SCAI: variants seen among roughly 807,000 people sequenced by gnomAD.
SCAI encodes suppressor of cancer cell invasion, also known as protein SCAI.
Under a neutral mutation model 92.2 loss-of-function variants are expected in SCAI, and 24 were observed. That is an observed-to-expected ratio of 0.26 (90% CI 0.19 to 0.37). The LOEUF is 0.37. Ranked by LOEUF, SCAI falls within the 10% of genes least tolerant of loss-of-function variation. The pLI is 1.00. For missense variants in SCAI, 450 were observed against 736.2 expected (o/e 0.61, Z 4.50); for synonymous variants, 261 against 258.6 (o/e 1.01, Z -0.09).
intron 3 of SCAI, among the ~76,000 whole-genome samples, chr9:125,036,959 A>C (rs182304095): frequency 3.3e-5 from 5 of 152,294 alleles, no homozygotes; most frequent in Non-Finnish European, 5.9e-5. Context: ...TACCTCTTCA[A>C]AACATTTTTA....
intron 2 of SCAI, among the ~76,000 whole-genome samples, chr9:125,112,441 T>C (rs917997656): frequency 3.9e-5 from 6 of 152,184 alleles, no homozygotes; most frequent in African/African-American, 9.7e-5. Context: ...ATTATAACTA[T>C]AGGGGCAAGT....
intron 2 of SCAI, among the ~76,000 whole-genome samples, chr9:125,107,346 T>G (rs1306841666): frequency 1.3e-5 from 2 of 148,968 alleles, no homozygotes; most frequent in South Asian, 2.1e-4. Flanking sequence ...GAGGCGGAGG[T>G]TGCAGTGAGC....
At chr9:125,128,302 C>A (rs551674856) in intron 2 of SCAI, among the ~76,000 whole-genome samples, 1 of 151,494 alleles carries the variant, frequency 6.6e-6, no homozygotes, top group Admixed American at 6.6e-5. Context: ...GGCAACAGAG[C>A]AAGACCCCCT....
chr9:124,997,282 G>A (rs754937323), intron 13 of SCAI, among the ~76,000 whole-genome samples: 5 of 152,112 alleles, frequency 3.3e-5, no homozygotes, highest in Non-Finnish European at 5.9e-5. Flanking sequence ...GGATCTCAAA[G>A]GGAAAAATAA....
intron 9 of SCAI, among the ~76,000 whole-genome samples, chr9:125,013,201 G>C (rs1346875241): frequency 3.3e-5 from 5 of 151,468 alleles, no homozygotes; most frequent in African/African-American, 4.8e-5. Flanking sequence ...GAAGGAAATA[G>C]AGACACAAAA....
chr9:124,991,244 C>A (rs1283366394), intron 14 of SCAI, among the ~76,000 whole-genome samples: 3 of 143,520 alleles, frequency 2.1e-5, no homozygotes, highest in African/African-American at 7.8e-5. Context: ...CCCAGCTACT[C>A]GGGAGGCTGA....
intron 3 of SCAI, among the ~76,000 whole-genome samples, chr9:125,037,147 T>C (rs1320664175): frequency 6.6e-6 from 1 of 151,904 alleles, no homozygotes; most frequent in African/African-American, 2.4e-5. Context: ...CAGGCGCCCA[T>C]AATCCCAGCT....
intron 5 of SCAI, among the ~76,000 whole-genome samples, chr9:125,027,592 C>T (rs1832988464): frequency 6.6e-6 from 1 of 152,132 alleles, no homozygotes; most frequent in African/African-American, 2.4e-5. Flanking sequence ...ATGATCTCGG[C>T]TCACTGCAAC....
At chr9:125,021,666 G>A (rs1398211399) in intron 6 of SCAI, among the ~76,000 whole-genome samples, 1 of 152,172 alleles carries the variant, frequency 6.6e-6, no homozygotes, top group Middle Eastern at 3.4e-3. Flanking sequence ...CCTTACAACA[G>A]TGTATTTTTT....
chr9:125,120,566 G>A (rs1278444020), intron 2 of SCAI, among the ~76,000 whole-genome samples: 5 of 152,116 alleles, frequency 3.3e-5, no homozygotes, highest in Non-Finnish European at 5.9e-5. Flanking sequence ...GGTGGCAGGC[G>A]CCTGTAATCC....
At chr9:125,044,528 C>T (rs1327155622) in intron 3 of SCAI, among the ~76,000 whole-genome samples, 2 of 152,132 alleles carry the variant, frequency 1.3e-5, no homozygotes, top group Admixed American at 6.5e-5. Flanking sequence ...GAGCTACCTA[C>T]TAGGGGTCTC....
At chr9:125,101,325 T>C (rs765042788) in intron 2 of SCAI, among the ~76,000 whole-genome samples, 18 of 152,202 alleles carry the variant, frequency 1.2e-4, no homozygotes, top group Non-Finnish European at 2.5e-4. Flanking sequence ...GGGAAGCCAG[T>C]TGTAAGACTG....
At chr9:124,958,779 C>T (rs2131575591) in intron 17 of SCAI, among the ~76,000 whole-genome samples, 1 of 151,878 alleles carries the variant, frequency 6.6e-6, no homozygotes, top group East Asian at 1.9e-4. Context: ...TGGTGGTGGG[C>T]ACCTGTAATA....
At chr9:124,986,591 GA>G (rs1306021808) in intron 14 of SCAI, among the ~76,000 whole-genome samples, 3 of 152,144 alleles carry the variant, frequency 2.0e-5, no homozygotes, top group African/African-American at 7.2e-5. Context: ...TGAGGAGAGA[GA>G]AGCTTAGATA....
At chr9:125,128,785 G>A (rs1004983030) in intron 2 of SCAI, among the ~76,000 whole-genome samples, 16 of 144,674 alleles carry the variant, frequency 1.1e-4, no homozygotes, top group Non-Finnish European at 2.0e-4. Context: ...AATTCAGGCC[G>A]GGCACAGTGG....
At chr9:125,013,642 C>A (rs1450880063) in intron 9 of SCAI, among the ~76,000 whole-genome samples, 1 of 152,098 alleles carries the variant, frequency 6.6e-6, no homozygotes, top group Non-Finnish European at 1.5e-5. Context: ...CTATTCCAAT[C>A]AATAGAAAAA....
rs55938057 is a variant in SCAI, at chr9:124,951,059, T to TAA, written c.*1746_*1747dup. 32 of 116,602 alleles carry TAA rather than the reference T, an allele frequency of 2.7e-4. No individual in the cohort carries two copies. The East Asian group carries it at 3.3e-3, about 12-fold the overall frequency. The allele number at this position is 116,602 out of a possible 1,614,324, so 7.2% of individuals were successfully genotyped here. A position where few individuals can be genotyped will look rare whatever the true frequency, so the allele number is the denominator to read the frequency against. On this transcript the variant is annotated 3_prime_UTR_variant, in exon 18 of 18. Transcript: ENST00000336505. ...GGCAACAAAGCAAGACTCTGTCTCT[T>TAA]AAAAAAAAAAAAAAAAAAAAGTAAA... is the stretch of plus-strand genomic sequence containing the variant.
chr9:125,018,950 G>A lies in SCAI; in HGVS notation c.710C>T (p.Ala237Val), dbSNP rs373639867. 1.6e-4 allele frequency: 250 copies of A among 1,610,058 alleles called. No individual in the cohort carries two copies. Among genetic ancestry groups the A allele is most frequent in the Non-Finnish European group, 2.0e-4 (232 of 1,178,888 alleles). The change falls in exon 9 of 18, where the codon GCG becomes GTG. Residue 237 changes from alanine (A) to valine (V), a missense_variant and splice_region_variant. Transcript: ENST00000336505. Reference protein sequence around the residue: ...VLQEVAAFIEADPVMVLNDDN... With the variant: ...VLQEVAAFIEVDPVMVLNDDN... ...ATCATTTAATACCATTACAGGATCCGCCTAAAGAAAAAAGCAATAAGAACT... is the reference window on the plus strand; with the variant it reads ...ATCATTTAATACCATTACAGGATCCACCTAAAGAAAAAAGCAATAAGAACT...
chr9:125,069,892 G>A (rs752156689), intron 2 of SCAI, among the ~76,000 whole-genome samples: 28 of 152,076 alleles, frequency 1.8e-4, no homozygotes, highest in Admixed American at 7.2e-4. Context: ...AAAGTGCTGA[G>A]GTTACAGGCG....
Sources: allele counts gnomAD v4.1 joint callset (sites outside exome capture counted in the v4.1 genomes callset), GRCh38; gene constraint gnomAD v4.1.1; transcripts MANE v1.5; gene names NCBI Gene and HGNC (gene_info 2026-07-23, HGNC 2026-07-21).